CACNA2D3: variants seen among roughly 807,000 people sequenced by gnomAD.
CACNA2D3 encodes the protein voltage-dependent calcium channel subunit alpha-2/delta-3.
A neutral mutation model predicts 160.6 loss-of-function variants in CACNA2D3; 60 were observed. That is an observed-to-expected ratio of 0.37 (90% confidence interval 0.30 to 0.46). CACNA2D3 has a LOEUF of 0.46. Among genes scored for constraint, CACNA2D3 ranks in the 20% least tolerant of loss-of-function variants. CACNA2D3 has a pLI of 1.00. For synonymous variants in CACNA2D3, 558 were observed against 492.9 expected, an observed-to-expected ratio of 1.13 and a Z score of -1.75; for missense variants, 1,205 against 1,365.0, an observed-to-expected ratio of 0.88 and a Z score of 1.85.
At chr3:54,823,939 A>G (rs1703694428) in intron 14 of CACNA2D3, among the ~76,000 whole-genome samples, 1 of 152,242 alleles carries the variant, frequency 6.6e-6, no homozygotes, top group Non-Finnish European at 1.5e-5. Flanking sequence ...GTAGTAATGA[A>G]CTAATTGTTT....
intron 3 of CACNA2D3, among the ~76,000 whole-genome samples, chr3:54,335,806 C>A (rs1704363238): frequency 6.6e-6 from 1 of 151,768 alleles, no homozygotes; most frequent in African/African-American, 2.4e-5. Context: ...GAGATCTAGA[C>A]CATCCTGGCC....
chr3:54,895,259 A>G (rs1000290738), intron 25 of CACNA2D3, among the ~76,000 whole-genome samples: 2 of 152,140 alleles, frequency 1.3e-5, no homozygotes, highest in Admixed American at 6.5e-5. Context: ...TCTGGATATG[A>G]GATTAGATTT....
chr3:54,989,889 C>T (rs9847261), intron 31 of CACNA2D3, among the ~76,000 whole-genome samples: 68,988 of 152,068 alleles, frequency 0.45, 16,219 homozygotes, highest in African/African-American at 0.58. Flanking sequence ...TGGAGGACCA[C>T]AGTCCTTGCA....
intron 13 of CACNA2D3, among the ~76,000 whole-genome samples, chr3:54,816,109 G>A (rs957993751): frequency 6.6e-6 from 1 of 152,080 alleles, no homozygotes; most frequent in Non-Finnish European, 1.5e-5. Context: ...AAGCTGTTAT[G>A]TCTTATTTTA....
intron 11 of CACNA2D3, among the ~76,000 whole-genome samples, chr3:54,694,562 C>G (rs950907192): frequency 1.3e-5 from 2 of 152,316 alleles, no homozygotes; most frequent in African/African-American, 4.8e-5. Context: ...GCCTCAGGAA[C>G]AGTTAACAGG....
In CACNA2D3 at chr3:55,001,606, C is replaced by T. The variant is rs149223190; in HGVS notation, c.2691-3157C>T. Reference sequence around the variant, plus strand: ...AGTTAGGATTTGAGCTCAGGTATTACTGACTTCAAAGATGGCATTTTCACT... The same window carrying T: ...AGTTAGGATTTGAGCTCAGGTATTATTGACTTCAAAGATGGCATTTTCACT... On this transcript the variant is annotated intron_variant, in intron 31 of 37. Transcript: ENST00000474759. Among the ~76,000 whole-genome samples the T allele has an allele frequency of 4.2e-3, 644 of 152,324 alleles. 2 individuals are homozygous for T. Among genetic ancestry groups the T allele is most frequent in the Non-Finnish European group, 6.3e-3 (430 of 68,026 alleles).
chr3:54,850,736 G>A (rs1699040584), intron 17 of CACNA2D3, among the ~76,000 whole-genome samples: 1 of 152,190 alleles, frequency 6.6e-6, no homozygotes, highest in African/African-American at 2.4e-5. Context: ...CCTCAGGCAG[G>A]CAAAATTTAG....
intron 5 of CACNA2D3, among the ~76,000 whole-genome samples, chr3:54,527,083 T>C (rs1488943890): frequency 3.3e-5 from 5 of 152,226 alleles, no homozygotes; most frequent in African/African-American, 1.2e-4. Flanking sequence ...ATCAAATCCT[T>C]GCTCTTCTGA....
intron 4 of CACNA2D3, among the ~76,000 whole-genome samples, chr3:54,432,199 A>G (rs1445639792): frequency 1.3e-5 from 2 of 152,192 alleles, no homozygotes; most frequent in Non-Finnish European, 2.9e-5. Context: ...AAAAGCCTGT[A>G]AATCATCAGA....
intron 27 of CACNA2D3, among the ~76,000 whole-genome samples, chr3:54,900,483 C>T (rs1700301979): frequency 6.6e-6 from 1 of 152,142 alleles, no homozygotes; most frequent in South Asian, 2.1e-4. Context: ...TAGGGGCTTT[C>T]ATTGGTGGCA....
intron 11 of CACNA2D3, among the ~76,000 whole-genome samples, chr3:54,727,067 A>G (rs1701291177): frequency 6.6e-6 from 1 of 152,190 alleles, no homozygotes; most frequent in Non-Finnish European, 1.5e-5. Flanking sequence ...TGTATAAGAG[A>G]AAAACAACCC....
At chr3:54,475,354 A>G (rs1700810575) in intron 4 of CACNA2D3, among the ~76,000 whole-genome samples, 3 of 152,224 alleles carry the variant, frequency 2.0e-5, no homozygotes, top group Admixed American at 6.6e-5. Flanking sequence ...TAATTGAATT[A>G]TCTCCCTGGG....
intron 27 of CACNA2D3, among the ~76,000 whole-genome samples, chr3:54,947,444 A>G (rs946845770): frequency 2.0e-5 from 3 of 152,190 alleles, no homozygotes; most frequent in African/African-American, 7.2e-5. Flanking sequence ...CTCAGCTGGC[A>G]TCTGCCAGTG....
intron 2 of CACNA2D3, among the ~76,000 whole-genome samples, chr3:54,314,079 C>T (rs1703808410): frequency 6.6e-6 from 1 of 151,974 alleles, no homozygotes; most frequent in South Asian, 2.1e-4. Context: ...TCCCTGAGTC[C>T]CAAAAGTCCA....
At chr3:54,582,235 G>A (rs1053361896) in intron 9 of CACNA2D3, among the ~76,000 whole-genome samples, 1 of 152,136 alleles carries the variant, frequency 6.6e-6, no homozygotes, top group Non-Finnish European at 1.5e-5. Flanking sequence ...TCCTTCTCAC[G>A]ATTGATTAAA....
intron 11 of CACNA2D3, among the ~76,000 whole-genome samples, chr3:54,691,128 C>T (rs62257064): frequency 6.6e-6 from 1 of 152,126 alleles, no homozygotes; most frequent in African/African-American, 2.4e-5. Flanking sequence ...GGAGAAGAGG[C>T]CTGGTTCCCA....
chr3:54,615,249 C>G (rs1461748483), intron 9 of CACNA2D3, among the ~76,000 whole-genome samples: 1 of 152,174 alleles, frequency 6.6e-6, no homozygotes, highest in Non-Finnish European at 1.5e-5. Context: ...AAGGAGACTA[C>G]TACTCATTTG....
intron 26 of CACNA2D3, among the ~76,000 whole-genome samples, chr3:54,897,500 G>A (rs978175856): frequency 3.3e-5 from 5 of 151,932 alleles, no homozygotes; most frequent in Non-Finnish European, 7.4e-5. Flanking sequence ...AGTTTTCCTC[G>A]TATTTTTTTT....
intron 4 of CACNA2D3, 125 bp downstream of exon 4, chr3:54,386,899 G>A: frequency 1.2e-6 from 1 of 832,354 alleles, no homozygotes; most frequent in Non-Finnish European, 1.8e-6. Flanking sequence ...GGATGGTACT[G>A]AGTTGGAATC....
Sources: gnomAD v4.1 joint callset for allele counts (sites outside exome capture counted in the v4.1 genomes callset) on GRCh38, gnomAD v4.1.1 for gene constraint, MANE v1.5 for transcripts, NCBI Gene and HGNC (gene_info 2026-07-23, HGNC 2026-07-21) for gene names.